Variants in GORASP2 observed in about 807,000 individuals in gnomAD.
GORASP2 encodes Golgi reassembly-stacking protein 2.
In GORASP2, 22 loss-of-function variants were observed where a neutral mutation model predicts 45.7. The ratio of observed to expected loss-of-function variants is 0.48; its 90% confidence interval spans 0.34 to 0.69. GORASP2 has a LOEUF of 0.69. Among genes scored for constraint, GORASP2 ranks in the 30% least tolerant of loss-of-function variants. The probability of loss-of-function intolerance (pLI) is 0.01; values close to 1 mark genes in which losing one functional copy is unlikely to be tolerated. For synonymous variants in GORASP2, 221 were observed against 215.6 expected, an observed-to-expected ratio of 1.02 and a Z score of -0.22; for missense variants, 491 against 562.7, an observed-to-expected ratio of 0.87 and a Z score of 1.29.
chr2:170,963,609 AC>A (rs1169349157), intron 9 of GORASP2, among the ~76,000 whole-genome samples: 1 of 150,250 alleles, frequency 6.7e-6, no homozygotes, highest in Non-Finnish European at 1.5e-5. Flanking sequence ...CATTCTCATC[AC>A]CCCTGCTCAG....
In GORASP2 at chr2:170,965,969, A is replaced by G. The variant is rs1454782484; in HGVS notation, c.1198A>G (p.Thr400Ala). 4 of 1,613,820 alleles carry G rather than the reference A, an allele frequency of 2.5e-6. No homozygotes were observed. Among genetic ancestry groups the G allele is most frequent in the Non-Finnish European group, 2.5e-6 (3 of 1,179,970 alleles). The change falls in exon 10 of 10, where the codon ACT becomes GCT. Residue 400 changes from threonine to alanine, a missense_variant. Physicochemically the swap from Thr to Ala is moderately conservative, Grantham distance 58. Around this residue, in one of 2 missense-constraint regions of GORASP2, gnomAD observed 297 missense variants for 292.3 expected, o/e 1.02. Coordinates refer to ENST00000234160, the MANE Select transcript of GORASP2 (RefSeq NM_015530.5). ...CAACGCACCCTCCGACCCTGCCACAACTACTGCAAAGGCAGACGCTGCCTC... is the reference window on the plus strand; with the variant it reads ...CAACGCACCCTCCGACCCTGCCACAGCTACTGCAAAGGCAGACGCTGCCTC... ...TSNAPSDPATTTAKADAASSL... is the reference protein window; with the variant it reads ...TSNAPSDPATATAKADAASSL...
chr2:170,943,213 A>G (rs1193774157), intron 1 of GORASP2, among the ~76,000 whole-genome samples: 1 of 152,208 alleles, frequency 6.6e-6, no homozygotes, highest in Non-Finnish European at 1.5e-5. Context: ...GCTGCCATCC[A>G]TCTGGAATTG....
chr2:170,948,773 CTCTCA>C (rs935997538), intron 2 of GORASP2: 9 of 166,128 alleles, frequency 5.4e-5, no homozygotes, highest in African/African-American at 2.2e-4. Flanking sequence ...AAGATTCATT[CTCTCA>C]TCTCATTCTC....
chr2:170,931,243 A>T (rs898560204), intron 1 of GORASP2, among the ~76,000 whole-genome samples: 1 of 152,214 alleles, frequency 6.6e-6, no homozygotes, highest in Admixed American at 6.5e-5. Flanking sequence ...ATTTAGTTAG[A>T]CTTTTACTAA....
At chr2:170,931,484 G>T (rs1426837936) in intron 1 of GORASP2, among the ~76,000 whole-genome samples, 1 of 152,142 alleles carries the variant, frequency 6.6e-6, no homozygotes, top group Non-Finnish European at 1.5e-5. Context: ...AGTAACTGTG[G>T]CAGGAAAATT....
intron 4 of GORASP2, among the ~76,000 whole-genome samples, chr2:170,950,603 T>C (rs1226761126): frequency 6.6e-6 from 1 of 152,212 alleles, no homozygotes; most frequent in Non-Finnish European, 1.5e-5. Context: ...TCTTCCCCTT[T>C]TTGTTCAGTG....
Position 170,966,631 on chromosome 2 carries a change from A to T in GORASP2, c.*501A>T, listed in dbSNP as rs962792832. On this transcript the variant is annotated 3_prime_UTR_variant, in exon 10 of 10. Transcript: ENST00000234160. ...GAGTCGCATCTCTACTAAGGTTTAC[A>T]CAGGAATTCCACCTGAAGACTTGTG... 5.9e-6 allele frequency: 1 copy of T among 168,724 alleles called. No homozygotes were observed. The allele number at this position is 168,724 out of a possible 1,614,324, so 10.5% of individuals were successfully genotyped here. A position where few individuals can be genotyped will look rare whatever the true frequency, so the allele number is the denominator to read the frequency against.
In GORASP2 at chr2:170,966,096, C is replaced by T. The variant is rs780540513; in HGVS notation, c.1325C>T (p.Ala442Val). 1.8e-5 allele frequency: 29 copies of T among 1,613,684 alleles called. No homozygotes were observed. In the African/African-American group the frequency reaches 2.0e-4, roughly 11 times the overall value. Residue 442 changes from alanine (A) to valine (V), a missense_variant, in exon 10 of 10, where the codon GCG becomes GTG. Ala to Val is a moderately conservative substitution (Grantham distance 64). This residue lies in a region of GORASP2 where 297 missense variants were observed against 292.3 expected (regional missense o/e 1.02). Transcript: ENST00000234160. ...STPVSEKPVSAAVDANASESP is the reference protein window; with the variant it reads ...STPVSEKPVSVAVDANASESP ...CCAGTCAGCGAGAAGCCTGTTTCTG[C>T]GGCTGTGGATGCCAATGCTTCTGAG...
chr2:170,961,748 A>G lies in GORASP2; in HGVS notation c.909A>G (p.Pro303=). The change falls in exon 8 of 10, where the codon CCA becomes CCG. Residue 303 remains proline (P), a splice_region_variant and synonymous_variant. Coordinates refer to ENST00000234160, the MANE Select transcript of GORASP2 (RefSeq NM_015530.5). ...VPPMNPATTL[P]GLMPLPAGLP... ...CAATGAATCCAGCTACTACATTACC[A>G]GGTAACCACCAGGGGACTAGAGATG... 1.3e-6 allele frequency: 2 copies of G among 1,505,366 alleles called. No individual in the cohort carries two copies. Among genetic ancestry groups the G allele is most frequent in the Non-Finnish European group, 1.9e-6 (2 of 1,080,514 alleles). 93.3% of individuals were successfully genotyped at this position (1,505,366 alleles called of 1,614,324 possible). A position where few individuals can be genotyped will look rare whatever the true frequency, so the allele number is the denominator to read the frequency against.
chr2:170,956,340 C>A (rs1704427374), intron 6 of GORASP2, 96 bp from the exon 7 acceptor site: 4 of 1,108,898 alleles, frequency 3.6e-6, no homozygotes, highest in Non-Finnish European at 3.8e-6. Context: ...ATGTGTGAAC[C>A]AAATATCTAT....
At position 170,949,695 on chromosome 2, in the gene GORASP2, C is replaced by T; in HGVS notation, c.301C>T (p.Arg101Cys). 3.7e-6 allele frequency: 6 copies of T among 1,614,018 alleles called. No homozygotes were observed. Among genetic ancestry groups the T allele is most frequent in the East Asian group, 2.2e-5 (1 of 44,884 alleles). ...CCAGGGCTTATTGGGAGTGAGCATT[C>T]GTTTCTGCAGCTTTGATGGGGCAAA... ...GGQGLLGVSI[R>C]FCSFDGANEN... Residue 101 changes from arginine to cysteine, a missense_variant, in exon 3 of 10, where the codon CGT becomes TGT. Coordinates refer to ENST00000234160, the MANE Select transcript of GORASP2 (RefSeq NM_015530.5).
intron 1 of GORASP2, among the ~76,000 whole-genome samples, chr2:170,945,467 A>T (rs1271379008): frequency 6.7e-6 from 1 of 150,172 alleles, no homozygotes; most frequent in Non-Finnish European, 1.5e-5. Context: ...ACCCCACTCC[A>T]CTACAGCCTG....
At chr2:170,936,082 C>G (rs932941131) in intron 1 of GORASP2, among the ~76,000 whole-genome samples, 114 of 152,146 alleles carry the variant, frequency 7.5e-4, no homozygotes, top group African/African-American at 2.4e-3. Context: ...AAAAATTGAG[C>G]TTAGAATAAC....
rs369499593 is a variant in GORASP2 at position 170,930,083 on chromosome 2, TTA to T, written c.63+683_63+684del. ...CCGATTGCTGAGGGTGTGGTTTAGATTATAAGGTTTAGATCCACAGTGGTAAA... is the reference window on the plus strand; with the variant it reads ...CCGATTGCTGAGGGTGTGGTTTAGATTAAGGTTTAGATCCACAGTGGTAAA... On this transcript the variant is annotated intron_variant, in intron 1 of 9. Coordinates refer to ENST00000234160, the MANE Select transcript of GORASP2 (RefSeq NM_015530.5). The T allele has an allele frequency of 4.0e-3, 897 of 221,496 alleles. 9 individuals are homozygous for T. The highest frequency in any genetic ancestry group is 0.02 in the African/African-American group (832 of 42,114). 13.7% of individuals were successfully genotyped at this position (221,496 alleles called of 1,614,324 possible). A position where few individuals can be genotyped will look rare whatever the true frequency, so the allele number is the denominator to read the frequency against.
rs144843647 is a variant in GORASP2, at chr2:170,940,221, A to G, written c.64-8129A>G. ...TGTGTCTTTGTGTATCACCTAGTGC[A>G]GCATGTAGTCTGGTGATATCCTGTG... On this transcript the variant is annotated intron_variant, in intron 1 of 9. Transcript: ENST00000234160. Among the ~76,000 whole-genome samples, 45 of 152,352 alleles carry G rather than the reference A, an allele frequency of 3.0e-4. No homozygotes were observed. In the East Asian group the frequency reaches 8.5e-3, roughly 29 times the overall value.
Position 170,966,223 on chromosome 2 carries a change from C to G in GORASP2, c.*93C>G, listed in dbSNP as rs547998942. ...ATCATTAATTTCATACTAGTTTGTA[C>G]CGTATCTGTAGGCATCCTGTAAATA... On this transcript the variant is annotated 3_prime_UTR_variant, in exon 10 of 10. Transcript: ENST00000234160. 1.8e-5 allele frequency: 16 copies of G among 906,502 alleles called. No homozygotes were observed. In the Admixed American group the frequency reaches 3.1e-4, roughly 17 times the overall value. The allele number at this position is 906,502 out of a possible 1,614,324, so 56.2% of individuals were successfully genotyped here.
At chr2:170,956,041 T>C (rs900164246) in intron 6 of GORASP2, among the ~76,000 whole-genome samples, 1 of 152,232 alleles carries the variant, frequency 6.6e-6, no homozygotes, top group Non-Finnish European at 1.5e-5. Flanking sequence ...ATTTCTTTCC[T>C]GAGCAATGAA....
rs375835448 is a variant in GORASP2 at position 170,934,253 on chromosome 2, T to G, written c.63+4850T>G. Among the ~76,000 whole-genome samples the G allele has an allele frequency of 6.0e-3, 905 of 151,956 alleles. 8 individuals carry two copies. Among genetic ancestry groups the G allele is most frequent in the African/African-American group, 0.02 (845 of 41,456 alleles). The stretch of plus-strand genomic sequence containing the variant: ...CTTTTGAAACTCATACCCTGTTTTT[T>G]TTTTTGTTGTTGTTGTTGTTGTTTT... On this transcript the variant is annotated intron_variant, in intron 1 of 9. Coordinates refer to ENST00000234160, the MANE Select transcript of GORASP2 (RefSeq NM_015530.5).
intron 1 of GORASP2, among the ~76,000 whole-genome samples, chr2:170,934,485 C>G (rs1244394019): frequency 6.6e-6 from 1 of 151,954 alleles, no homozygotes; most frequent in East Asian, 1.9e-4. Context: ...TTCTCGAACT[C>G]CTGACCTCAA....
Sources: allele counts gnomAD v4.1 joint callset (sites outside exome capture counted in the v4.1 genomes callset), GRCh38; gene constraint gnomAD v4.1.1; regional missense constraint gnomAD v4.1.1; transcripts MANE v1.5; gene names NCBI Gene and HGNC (gene_info 2026-07-23, HGNC 2026-07-21).